The following ZNF592 variants were observed in gnomAD, a reference collection of about 807,000 sequenced individuals.
ZNF592 encodes the protein zinc finger protein 592, also known as spinocerebellar ataxia, autosomal recessive 5.
A neutral mutation model predicts 80.3 loss-of-function variants in ZNF592; 11 were observed. That is an observed-to-expected ratio of 0.14 (90% CI 0.09 to 0.23). The LOEUF (loss-of-function observed/expected upper bound fraction) is 0.23. Ranked by LOEUF, ZNF592 falls within the 10% of genes least tolerant of loss-of-function variation. ZNF592 has a pLI of 1.00. For synonymous variants in ZNF592, 646 were observed against 640.3 expected (o/e 1.01, Z -0.13); for missense variants, 1,420 against 1,633.9 (o/e 0.87, Z 2.26).
chr15:84,758,649 C>T (rs2141961875), intron 1 of ZNF592, among the ~76,000 whole-genome samples: 1 of 151,776 alleles, frequency 6.6e-6, no homozygotes, highest in East Asian at 1.9e-4. Flanking sequence ...AGGTGGCTCA[C>T]ACCTGTAATC....
intron 5 of ZNF592, 83 bp downstream of exon 5, chr15:84,790,966 G>C: frequency 6.4e-7 from 1 of 1,558,544 alleles, no homozygotes; most frequent in Non-Finnish European, 8.8e-7. Context: ...AGATAGTTTT[G>C]GTCTTAAGAG....
intron 2 of ZNF592, among the ~76,000 whole-genome samples, chr15:84,777,422 G>A (rs1962286754): frequency 6.7e-6 from 1 of 149,216 alleles, no homozygotes; most frequent in Non-Finnish European, 1.5e-5. Flanking sequence ...GTTGCAGTGA[G>A]CCGAGATCAC....
chr15:84,796,259 T>A (rs1415542922), intron 5 of ZNF592, among the ~76,000 whole-genome samples: 2 of 23,038 alleles, frequency 8.7e-5, no homozygotes, highest in African/African-American at 1.3e-4. Context: ...TATATATATA[T>A]ATATATTTTA....
At chr15:84,776,995 T>A (rs993851288) in intron 2 of ZNF592, among the ~76,000 whole-genome samples, 1 of 151,876 alleles carries the variant, frequency 6.6e-6, no homozygotes, top group African/African-American at 2.4e-5. Flanking sequence ...GAGGTTGCAG[T>A]GAGCTGAGAT....
intron 1 of ZNF592, among the ~76,000 whole-genome samples, chr15:84,756,486 G>A (rs1432779683): frequency 6.6e-6 from 1 of 152,202 alleles, no homozygotes; most frequent in Non-Finnish European, 1.5e-5. Flanking sequence ...CAGGGACATT[G>A]TAGGGCCTGA....
At chr15:84,773,290 C>G (rs1057433643) in intron 2 of ZNF592, among the ~76,000 whole-genome samples, 4 of 150,510 alleles carry the variant, frequency 2.7e-5, no homozygotes, top group African/African-American at 9.8e-5. Context: ...CGGCTCACTG[C>G]AAGCTCCGCC....
chr15:84,783,678 C>T lies in ZNF592; in HGVS notation c.1003C>T (p.Pro335Ser). Residue 335 changes from proline to serine, a missense_variant, in exon 4 of 11, where the codon CCT (proline) becomes TCT (serine). Physicochemically the swap from Pro to Ser is moderately conservative, Grantham distance 74. Transcript: ENST00000560079. The surrounding 1 kb of genome is among the most constrained non-coding windows in gnomAD (Gnocchi z 5.0). ...CAAGTCACCAAAGAGTCCCCGGAGC[C>T]CTCTGGAGGCCACTAGAAAAAGTAT... The part of the protein sequence containing the change: ...MPKSPKSPRS[P>S]LEATRKSIKP... 9.3e-6 allele frequency: 15 copies of T among 1,614,206 alleles called. No individual in the cohort carries two copies. Among genetic ancestry groups the T allele is most frequent in the Non-Finnish European group, 1.3e-5 (15 of 1,180,044 alleles).
chr15:84,793,765 G>C (rs887350662), intron 5 of ZNF592, among the ~76,000 whole-genome samples: 9 of 152,158 alleles, frequency 5.9e-5, no homozygotes, highest in African/African-American at 1.9e-4. Flanking sequence ...TGTCATATAA[G>C]TGGAATTATG....
intron 1 of ZNF592, among the ~76,000 whole-genome samples, chr15:84,754,969 T>TC (rs1248075429): frequency 2.0e-5 from 3 of 148,656 alleles, no homozygotes; most frequent in Non-Finnish European, 3.0e-5. Context: ...AGTTGTTTTT[T>TC]TTTTTTTTTT....
rs1596135026 is a variant in ZNF592, at chr15:84,798,677, T to C, written c.2826T>C (p.Val942=). The C allele has an allele frequency of 1.2e-6, 2 of 1,613,624 alleles. No homozygotes were observed. The highest frequency in any genetic ancestry group is 2.2e-5 in the South Asian group (2 of 91,076). The change falls in exon 8 of 11, where the codon GTT becomes GTC. Residue 942 remains valine (V), a synonymous_variant. Coordinates refer to ENST00000560079, the MANE Select transcript of ZNF592 (RefSeq NM_014630.3). This position sits in a 1 kb window ranked among gnomAD's most constrained non-coding sequence, Gnocchi z 4.5. ...CCTCAAGCCGCCCTGGCTCTCGAGT[T>C]CCCACTGAGCCACCAGCCACTAGTG... ...DTSSSRPGSR[V]PTEPPATSVA...
chr15:84,762,576 G>C (rs1899383323), intron 1 of ZNF592, among the ~76,000 whole-genome samples: 1 of 152,142 alleles, frequency 6.6e-6, no homozygotes. Flanking sequence ...TCTGAGCTGG[G>C]GTTAGGCATT....
Position 84,797,875 on chromosome 15 carries a change from C to T in ZNF592, c.2406C>T (p.Ile802=). Residue 802 remains isoleucine, a synonymous_variant, in exon 6 of 11, where the codon ATC becomes ATT. Coordinates refer to ENST00000560079, the MANE Select transcript of ZNF592 (RefSeq NM_014630.3). ...HYARKVGYRC[I]HCGVVHLTLA... ...CTACCCCACTTCTGTCTAGGTGCAT[C>T]CACTGTGGTGTCGTCCACCTGACCT... 1 of 1,614,234 alleles carries T rather than the reference C, an allele frequency of 6.2e-7. No individual in the cohort carries two copies. The highest frequency in any genetic ancestry group is 2.2e-5 in the East Asian group (1 of 44,882).
In ZNF592 at chr15:84,802,376, C is replaced by G. The variant is rs1963124571; in HGVS notation, c.3787C>G (p.Leu1263Val). The part of the protein sequence containing the change: ...QASQDQDSHT[L>V]SPQV ...CTCTCAGGACCAGGACAGCCACACA[C>G]TGTCCCCTCAGGTGTGACCGGAGAC... is the stretch of plus-strand genomic sequence containing the variant. Residue 1263 changes from leucine (L) to valine (V), a missense_variant, in exon 11 of 11, where the codon CTG (leucine) becomes GTG (valine). Around this residue, in one of 7 missense-constraint regions of ZNF592, gnomAD observed 24 missense variants for 16.7 expected, o/e 1.44. Transcript: ENST00000560079. 1.2e-6 allele frequency: 2 copies of G among 1,613,714 alleles called. No homozygotes were observed. The highest frequency in any genetic ancestry group is 8.5e-7 in the Non-Finnish European group (1 of 1,180,030).
At position 84,798,544 on chromosome 15, in the gene ZNF592, A is replaced by G; in HGVS notation, c.2737-44A>G. The G allele has an allele frequency of 1.9e-6, 3 of 1,613,948 alleles. No individual in the cohort carries two copies. Among genetic ancestry groups the G allele is most frequent in the South Asian group, 1.1e-5 (1 of 91,070 alleles). On this transcript the variant is annotated intron_variant, in intron 7 of 10. Transcript: ENST00000560079. The surrounding 1 kb of genome is among the most constrained non-coding windows in gnomAD (Gnocchi z 4.5). ...TCAGGCTGGGGGTCTGACTCTGTGCATCTTTCCCCTTGCCCAGTCAGTAAT... is the reference window on the plus strand; with the variant it reads ...TCAGGCTGGGGGTCTGACTCTGTGCGTCTTTCCCCTTGCCCAGTCAGTAAT...
chr15:84,750,601 C>G lies in ZNF592; in HGVS notation c.-259+1937C>G, dbSNP rs563849330. 1.2e-4 allele frequency among the ~76,000 whole-genome samples: 18 copies of G among 152,092 alleles called. No individual in the cohort carries two copies. The East Asian group carries it at 2.9e-3, about 24-fold the overall frequency. On this transcript the variant is annotated intron_variant, in intron 1 of 10. Transcript: ENST00000560079. Reference sequence around the variant, plus strand: ...GAAGGCTTCCTAAGAAGGTGTCTTTCGAGTAAAACTTGGAAGTGGTAAACT... The same window carrying G: ...GAAGGCTTCCTAAGAAGGTGTCTTTGGAGTAAAACTTGGAAGTGGTAAACT...
chr15:84,756,773 CCCTGGCTGGATTCGAAAT>C (rs1211045811), intron 1 of ZNF592, among the ~76,000 whole-genome samples: 25 of 152,188 alleles, frequency 1.6e-4, no homozygotes, highest in African/African-American at 6.0e-4. Context: ...TGCTACATTG[CCCTGGCTGGATTCGAAAT>C]CCTAGGCTCA....
chr15:84,761,410 G>A (rs1445636868), intron 1 of ZNF592, among the ~76,000 whole-genome samples: 1 of 152,360 alleles, frequency 6.6e-6, no homozygotes, highest in African/African-American at 2.4e-5. Flanking sequence ...GCAGACATGG[G>A]ATGGAGCAGA....
intron 1 of ZNF592, among the ~76,000 whole-genome samples, chr15:84,757,097 A>T (rs1899195571): frequency 6.6e-6 from 1 of 152,078 alleles, no homozygotes; most frequent in South Asian, 2.1e-4. Flanking sequence ...TGGGTGACAG[A>T]GTGAGACTGT....
Position 84,798,791 on chromosome 15 carries a change from C to A in ZNF592, c.2940C>A (p.Asn980Lys). Residue 980 changes from asparagine (N) to lysine (K), a missense_variant, in exon 8 of 11, where the codon AAC (asparagine) becomes AAA (lysine). By Grantham distance (94) the Asn-to-Lys change is moderately conservative. Around this residue, in one of 7 missense-constraint regions of ZNF592, gnomAD observed 331 missense variants for 347.0 expected, o/e 0.95. Transcript: ENST00000560079. The surrounding 1 kb of genome is among the most constrained non-coding windows in gnomAD (Gnocchi z 4.5). ...RRVEARPRLRNTGWTCQECQE... is the reference protein window; with the variant it reads ...RRVEARPRLRKTGWTCQECQE... ...TGGAAGCCAGGCCGCGGCTGAGGAA[C>A]ACTGGCTGGACCTGCCAGGAGTGCC... The A allele has an allele frequency of 6.2e-7, 1 of 1,602,658 alleles. No individual in the cohort carries two copies. Among genetic ancestry groups the A allele is most frequent in the East Asian group, 2.2e-5 (1 of 44,870 alleles).
Sources: gnomAD v4.1 joint callset for allele counts (sites outside exome capture counted in the v4.1 genomes callset) on GRCh38, gnomAD v4.1.1 for gene constraint, gnomAD v4.1.1 regional missense constraint, Gnocchi (gnomAD v3.1) non-coding constraint, MANE v1.5 for transcripts, NCBI Gene and HGNC (gene_info 2026-07-23, HGNC 2026-07-21) for gene names.